PIGN: variants seen among roughly 807,000 people sequenced by gnomAD.
PIGN encodes the protein GPI ethanolamine phosphate transferase 1.
Under a neutral mutation model 125.4 loss-of-function variants are expected in PIGN, and 117 were observed. The observed-to-expected ratio is 0.93, with a 90% confidence interval of 0.80 to 1.09. The LOEUF (loss-of-function observed/expected upper bound fraction) is 1.09, where lower values mean the gene tolerates loss of function less well. Ranked by LOEUF, PIGN falls within the 50% of genes least tolerant of loss-of-function variation. The pLI, the probability that PIGN is intolerant of heterozygous loss-of-function variation, is 0.00. For missense variants in PIGN, 1,075 were observed against 1,094.9 expected (o/e 0.98, Z 0.26); for synonymous variants, 392 against 377.8 (o/e 1.04, Z -0.44).
intron 23 of PIGN, among the ~76,000 whole-genome samples, chr18:62,020,954 C>T (rs12604780): frequency 0.2 from 25,606 of 130,750 alleles, 2,458 homozygotes; most frequent in South Asian, 0.28. Context: ...GAGCGAGACT[C>T]TGTCTCAAAA....
intron 29 of PIGN, among the ~76,000 whole-genome samples, chr18:62,073,014 A>G (rs1394365714): frequency 1.3e-5 from 2 of 152,212 alleles, no homozygotes; most frequent in African/African-American, 4.8e-5. Flanking sequence ...AGATAATACT[A>G]AAGATGTCAG....
At chr18:62,047,039 C>T (rs1283174385) in intron 30 of PIGN, among the ~76,000 whole-genome samples, 1 of 152,216 alleles carries the variant, frequency 6.6e-6, no homozygotes, top group East Asian at 1.9e-4. Flanking sequence ...AATACCACCA[C>T]CACAAGAGCC....
At chr18:62,131,129 A>G (rs1174162922) in intron 14 of PIGN, among the ~76,000 whole-genome samples, 1 of 152,160 alleles carries the variant, frequency 6.6e-6, no homozygotes, top group East Asian at 1.9e-4. Context: ...GTCTAAGGGA[A>G]GGGCCTTTAT....
At chr18:62,024,934 A>G (rs1245467340) in intron 23 of PIGN, among the ~76,000 whole-genome samples, 1 of 152,266 alleles carries the variant, frequency 6.6e-6, no homozygotes, top group Non-Finnish European at 1.5e-5. Flanking sequence ...TTATTCTCAA[A>G]GAGGCCATTG....
chr18:62,090,568 G>A lies in PIGN; in HGVS notation c.2191C>T (p.Leu731Phe), dbSNP rs754047821. ...AAACAAGACAACACTAGTGGAAAGA[G>A]AGCTTCATACCTAACAGGTGGGGAA... is the stretch of plus-strand genomic sequence containing the variant. The part of the protein sequence containing the change: ...YLLLSTGYEA[L>F]FPLVLSCLMF... Residue 731 changes from leucine to phenylalanine, a missense_variant, in exon 24 of 31, where the codon CTC becomes TTC. Transcript: ENST00000640252. The A allele has an allele frequency of 6.3e-7, 1 of 1,596,922 alleles. No individual in the cohort carries two copies. Among genetic ancestry groups the A allele is most frequent in the Non-Finnish European group, 8.6e-7 (1 of 1,165,750 alleles).
chr18:62,084,002 T>G (rs939778701), intron 27 of PIGN, among the ~76,000 whole-genome samples: 11 of 152,160 alleles, frequency 7.2e-5, no homozygotes, highest in African/African-American at 2.2e-4. Flanking sequence ...CATAATGACC[T>G]TAGAGAAGAA....
At chr18:62,171,118 T>C (rs565335114) in intron 1 of PIGN, among the ~76,000 whole-genome samples, 24 of 152,352 alleles carry the variant, frequency 1.6e-4, no homozygotes, top group South Asian at 4.1e-4. Flanking sequence ...TTAGTCTCTC[T>C]GTCCAGGAAT....
chr18:62,117,948 A>G (rs1249947807), intron 14 of PIGN, among the ~76,000 whole-genome samples: 3 of 152,104 alleles, frequency 2.0e-5, no homozygotes, highest in African/African-American at 7.2e-5. Flanking sequence ...CGCATCATGT[A>G]TATATACCAT....
chr18:62,103,812 G>C (rs1048853553), intron 20 of PIGN: 3 of 152,094 alleles, frequency 2.0e-5, no homozygotes, highest in Non-Finnish European at 4.4e-5. Context: ...AAGGAGAAAG[G>C]TAATCATATA....
chr18:62,074,007 G>T (rs1414399859), intron 29 of PIGN, among the ~76,000 whole-genome samples: 2 of 152,206 alleles, frequency 1.3e-5, no homozygotes, highest in African/African-American at 4.8e-5. Context: ...GGCAGTATGT[G>T]ATCAAGCCCC....
intron 7 of PIGN, among the ~76,000 whole-genome samples, chr18:62,149,905 AT>A (rs2036467435): frequency 6.6e-6 from 1 of 152,102 alleles, no homozygotes; most frequent in South Asian, 2.1e-4. Context: ...CTTTTAAGTT[AT>A]TTTTTTCCAT....
At chr18:62,181,191 AT>A (rs1305899925) in intron 1 of PIGN, among the ~76,000 whole-genome samples, 1 of 152,194 alleles carries the variant, frequency 6.6e-6, no homozygotes, top group African/African-American at 2.4e-5. Flanking sequence ...ATAATAAAAA[AT>A]TGGAAACAAT....
intron 30 of PIGN, among the ~76,000 whole-genome samples, chr18:62,061,983 T>C (rs986643135): frequency 2.0e-5 from 3 of 152,216 alleles, no homozygotes; most frequent in Non-Finnish European, 4.4e-5. Context: ...TGAAGATGCA[T>C]GAACCACTCC....
chr18:62,020,715 C>T (rs139617921), intron 23 of PIGN, among the ~76,000 whole-genome samples: 198 of 151,002 alleles, frequency 1.3e-3, no homozygotes, highest in Non-Finnish European at 2.5e-3. Context: ...TTTGGGAGGC[C>T]GAGGTGGGCA....
chr18:62,104,563 T>A (rs2034566796), intron 20 of PIGN, among the ~76,000 whole-genome samples: 1 of 152,176 alleles, frequency 6.6e-6, no homozygotes, highest in African/African-American at 2.4e-5. Context: ...GTGTTAGAAT[T>A]CAATACAATT....
Position 62,146,945 on chromosome 18 carries a change from T to C in PIGN, c.805+26A>G, listed in dbSNP as rs2036352443. ...ATTTATCACTACTTTAATTGTAAGGTACATATCAATTAAAGACACACTAAC... is the reference window on the plus strand; with the variant it reads ...ATTTATCACTACTTTAATTGTAAGGCACATATCAATTAAAGACACACTAAC... On this transcript the variant is annotated intron_variant, in intron 9 of 30. Transcript: ENST00000640252. The C allele has an allele frequency of 3.1e-6, 5 of 1,605,310 alleles. No homozygotes were observed. In the East Asian group the frequency reaches 6.7e-5, roughly 22 times the overall value.
At chr18:62,105,823 T>C (rs1057114276) in intron 19 of PIGN, among the ~76,000 whole-genome samples, 189 bp from the exon 20 acceptor site, 1 of 152,218 alleles carries the variant, frequency 6.6e-6, no homozygotes, top group Non-Finnish European at 1.5e-5. Context: ...AGTTACTATT[T>C]GTGAAGGACC....
At chr18:62,185,777 C>G (rs932551276) in intron 1 of PIGN, among the ~76,000 whole-genome samples, 1 of 123,782 alleles carries the variant, frequency 8.1e-6, no homozygotes, top group Non-Finnish European at 1.8e-5. Context: ...AATTCCTTTA[C>G]CTTTTCAGAT....
chr18:62,106,474 T>C (rs1169752771), intron 19 of PIGN, among the ~76,000 whole-genome samples: 1 of 152,124 alleles, frequency 6.6e-6, no homozygotes, highest in Admixed American at 6.5e-5. Context: ...TGTGCTGCTC[T>C]GGACGACTCC....
Sources: allele counts gnomAD v4.1 joint callset (sites outside exome capture counted in the v4.1 genomes callset), GRCh38; gene constraint gnomAD v4.1.1; transcripts MANE v1.5; gene names NCBI Gene and HGNC (gene_info 2026-07-23, HGNC 2026-07-21).